The following AK5 variants were observed in gnomAD, a reference collection of about 807,000 sequenced individuals.
The protein encoded by AK5 is adenylate kinase 5.
A neutral mutation model predicts 69.5 loss-of-function variants in AK5; 27 were observed. The ratio of observed to expected loss-of-function variants is 0.39; its 90% CI spans 0.29 to 0.54. The LOEUF is 0.54. Among genes scored for constraint, AK5 ranks in the 20% least tolerant of loss-of-function variants. The probability of loss-of-function intolerance (pLI) is 0.71; values close to 1 mark genes in which losing one functional copy is unlikely to be tolerated. For missense variants in AK5, 531 were observed against 700.4 expected (o/e 0.76, Z 2.73); for synonymous variants, 260 against 244.4 (o/e 1.06, Z -0.60).
At chr1:77,518,129 C>G (rs1657770777) in intron 10 of AK5, among the ~76,000 whole-genome samples, 1 of 152,166 alleles carries the variant, frequency 6.6e-6, no homozygotes, top group South Asian at 2.1e-4. Flanking sequence ...TGAGCATTCA[C>G]TAAGTATCAG....
intron 6 of AK5, among the ~76,000 whole-genome samples, chr1:77,351,904 G>A (rs988032768): frequency 1.2e-4 from 18 of 150,132 alleles, no homozygotes; most frequent in African/African-American, 1.5e-4. Context: ...GAAAAGATAC[G>A]TAAAATACAT....
At chr1:77,492,170 A>G (rs1159824986) in intron 10 of AK5, among the ~76,000 whole-genome samples, 1 of 152,220 alleles carries the variant, frequency 6.6e-6, no homozygotes, top group Admixed American at 6.5e-5. Context: ...CCTTATGCGT[A>G]TTTCCCATTT....
At chr1:77,510,224 G>A (rs543809154) in intron 10 of AK5, among the ~76,000 whole-genome samples, 1 of 152,290 alleles carries the variant, frequency 6.6e-6, no homozygotes, top group African/African-American at 2.4e-5. Flanking sequence ...CCTAAGTGAA[G>A]TGGTTTCTGC....
In AK5 at chr1:77,309,131, G is replaced by T. The variant is rs531314309; in HGVS notation, c.699+11184G>T. On this transcript the variant is annotated intron_variant, in intron 5 of 13. Transcript: ENST00000354567. ...AGGAAAAATAGCTAATGCATGTGGG[G>T]CTTAATACCTAGGTGATGAGTTGAC... 3.4e-4 allele frequency among the ~76,000 whole-genome samples: 51 copies of T among 152,096 alleles called. 2 individuals carry two copies. The highest frequency in any genetic ancestry group is 3.1e-3 in the Admixed American group (47 of 15,288).
chr1:77,465,263 T>A (rs1487373517), intron 8 of AK5, among the ~76,000 whole-genome samples: 1 of 152,160 alleles, frequency 6.6e-6, no homozygotes. Flanking sequence ...CACCTTTTTT[T>A]AAAGTTCACT....
intron 8 of AK5, among the ~76,000 whole-genome samples, chr1:77,457,729 T>G (rs1042366791): frequency 6.6e-6 from 1 of 152,206 alleles, no homozygotes; most frequent in Non-Finnish European, 1.5e-5. Flanking sequence ...ATTTAAAAGT[T>G]TTCTCCTAAG....
intron 6 of AK5, chr1:77,346,209 T>C (rs1489958284): frequency 6.6e-6 from 1 of 152,220 alleles, no homozygotes; most frequent in Admixed American, 6.5e-5. Context: ...AAGTGGACCA[T>C]GCCCTTCAAA....
intron 10 of AK5, among the ~76,000 whole-genome samples, chr1:77,509,040 C>G (rs76625970): frequency 2.5e-3 from 375 of 152,270 alleles, no homozygotes; most frequent in African/African-American, 8.6e-3. Context: ...CCCAAAGAGG[C>G]AAAGTGACTC....
Position 77,410,977 on chromosome 1 carries a change from CCA to C in AK5, c.892-3_892-2del. 6.2e-7 allele frequency: 1 copy of C among 1,612,814 alleles called. No homozygotes were observed. Among genetic ancestry groups the C allele is most frequent in the East Asian group, 2.2e-5 (1 of 44,838 alleles). On this transcript the variant is annotated splice_acceptor_variant and splice_polypyrimidine_tract_variant and intron_variant, in intron 6 of 13. Transcript: ENST00000354567. LOFTEE classifies it high-confidence loss of function. Reference sequence around the variant, plus strand: ...CCAAACTTGTCTGTCCTGATTTCCCCCAGTTTGATGCCGACCGCGATGAGGAT... The same window carrying C: ...CCAAACTTGTCTGTCCTGATTTCCCCGTTTGATGCCGACCGCGATGAGGAT...
intron 5 of AK5, among the ~76,000 whole-genome samples, chr1:77,326,223 A>G (rs1159187321): frequency 2.6e-5 from 4 of 152,162 alleles, no homozygotes; most frequent in Non-Finnish European, 5.9e-5. Context: ...ATAGAGTGCA[A>G]TACCATCACT....
intron 13 of AK5, among the ~76,000 whole-genome samples, chr1:77,557,578 A>G (rs1279241275): frequency 6.6e-6 from 1 of 152,100 alleles, no homozygotes; most frequent in Non-Finnish European, 1.5e-5. Context: ...CTAGCATGCC[A>G]ACAGTCTCCA....
At chr1:77,538,766 C>T (rs146377715) in intron 13 of AK5, among the ~76,000 whole-genome samples, 1 of 152,160 alleles carries the variant, frequency 6.6e-6, no homozygotes, top group African/African-American at 2.4e-5. Context: ...TGGAAAATCC[C>T]TCTTAGCTCT....
intron 6 of AK5, among the ~76,000 whole-genome samples, chr1:77,384,079 G>T (rs1018314699): frequency 4.6e-5 from 7 of 151,948 alleles, no homozygotes; most frequent in African/African-American, 1.7e-4. Flanking sequence ...AAGCATAATA[G>T]CAGGCCCTTA....
chr1:77,434,369 A>G (rs1651833944), intron 8 of AK5, among the ~76,000 whole-genome samples: 3 of 152,144 alleles, frequency 2.0e-5, no homozygotes, highest in Admixed American at 2.0e-4. Flanking sequence ...TACTAAGTAA[A>G]CCTAATCATT....
intron 6 of AK5, among the ~76,000 whole-genome samples, chr1:77,405,002 G>T (rs552209596): frequency 3.9e-5 from 6 of 152,212 alleles, no homozygotes; most frequent in Non-Finnish European, 1.5e-5. Flanking sequence ...AAGTCTCAAC[G>T]TTTCTTATAT....
Position 77,525,240 on chromosome 1 carries a change from G to C in AK5, c.1428+3297G>C, listed in dbSNP as rs150713646. Among the ~76,000 whole-genome samples the C allele has an allele frequency of 3.4e-3, 518 of 152,174 alleles. 1 individual carries two copies. The highest frequency in any genetic ancestry group is 0.012 in the African/African-American group (484 of 41,510). ...CATTTTCAGCTAATTTTTTATATAT[G>C]GTGTCAGATTATTTTGCATACGGAT... On this transcript the variant is annotated intron_variant, in intron 12 of 13. Coordinates refer to ENST00000354567, the MANE Select transcript of AK5 (RefSeq NM_174858.3).
chr1:77,293,105 T>C (rs1026271590), intron 2 of AK5, among the ~76,000 whole-genome samples: 1 of 152,166 alleles, frequency 6.6e-6, no homozygotes, highest in Non-Finnish European at 1.5e-5. Context: ...AAATAATAAG[T>C]AAATTGATAA....
At chr1:77,373,365 C>T (rs948579240) in intron 6 of AK5, among the ~76,000 whole-genome samples, 1 of 152,112 alleles carries the variant, frequency 6.6e-6, no homozygotes, top group African/African-American at 2.4e-5. Flanking sequence ...CTATAATCCC[C>T]AATTGCTTAC....
At chr1:77,359,303 T>A (rs185365681) in intron 6 of AK5, among the ~76,000 whole-genome samples, 17 of 152,154 alleles carry the variant, frequency 1.1e-4, no homozygotes, top group Non-Finnish European at 2.5e-4. Flanking sequence ...TTCTATTAAT[T>A]TATGTTATAG....
Sources: allele counts gnomAD v4.1 joint callset (sites outside exome capture counted in the v4.1 genomes callset), GRCh38; gene constraint gnomAD v4.1.1; transcripts MANE v1.5; gene names NCBI Gene and HGNC (gene_info 2026-07-23, HGNC 2026-07-21).